Variants in NALCN observed in about 807,000 individuals in gnomAD.
NALCN encodes sodium leak channel, non-selective, also known as sodium leak channel NALCN.
In NALCN, 111 loss-of-function variants were observed where a neutral mutation model predicts 225.3. That is an observed-to-expected ratio of 0.49 (90% CI 0.42 to 0.58). The LOEUF (loss-of-function observed/expected upper bound fraction) is 0.58, where lower values mean the gene tolerates loss of function less well. Ranked by LOEUF, NALCN falls within the 20% of genes least tolerant of loss-of-function variation. The probability of loss-of-function intolerance (pLI) is 0.00; values close to 1 mark genes in which losing one functional copy is unlikely to be tolerated. For missense variants in NALCN, 1,378 were observed against 2,202.4 expected (o/e 0.63, Z 7.49); for synonymous variants, 764 against 769.0 (o/e 0.99, Z 0.11).
chr13:101,318,097 T>G (rs2044618256), intron 7 of NALCN, among the ~76,000 whole-genome samples: 1 of 152,170 alleles, frequency 6.6e-6, no homozygotes, highest in Non-Finnish European at 1.5e-5. Context: ...ACAGAATCCT[T>G]AGGGTGTCAC....
At chr13:101,339,822 A>G (rs2045498173) in intron 7 of NALCN, among the ~76,000 whole-genome samples, 1 of 152,242 alleles carries the variant, frequency 6.6e-6, no homozygotes, top group South Asian at 2.1e-4. Context: ...TGGTACAAGC[A>G]CAGAAGTCAG....
At chr13:101,193,509 A>C (rs1040976789) in intron 13 of NALCN, among the ~76,000 whole-genome samples, 1 of 152,208 alleles carries the variant, frequency 6.6e-6, no homozygotes, top group Non-Finnish European at 1.5e-5. Flanking sequence ...GTCCATGTGC[A>C]AAGTAATTAT....
chr13:101,132,649 A>G (rs1454395478), intron 17 of NALCN, among the ~76,000 whole-genome samples: 1 of 152,102 alleles, frequency 6.6e-6, no homozygotes, highest in Non-Finnish European at 1.5e-5. Flanking sequence ...TTAAAGATCT[A>G]AGGCTCATAA....
chr13:101,055,066 ATAT>A lies in NALCN; in HGVS notation c.*226_*228del, dbSNP rs1227154027. 8.0e-6 allele frequency: 4 copies of A among 502,640 alleles called. No homozygotes were observed. The highest frequency in any genetic ancestry group is 1.4e-5 in the Non-Finnish European group (4 of 285,402). The allele number at this position is 502,640 out of a possible 1,614,324, so 31.1% of individuals were successfully genotyped here. On this transcript the variant is annotated 3_prime_UTR_variant, in exon 44 of 44. Coordinates refer to ENST00000251127, the MANE Select transcript of NALCN (RefSeq NM_052867.4). ...ACATTTGCTTGCGGTATCATTTCTA[ATAT>A]TATCAGTACTGTCATTATACAAAAA...
intron 7 of NALCN, among the ~76,000 whole-genome samples, chr13:101,321,697 T>C (rs2044751232): frequency 6.6e-6 from 1 of 152,168 alleles, no homozygotes; most frequent in Non-Finnish European, 1.5e-5. Context: ...TAGTCACCAC[T>C]AAATTACCTG....
intron 6 of NALCN, among the ~76,000 whole-genome samples, chr13:101,373,245 A>T (rs1309686150): frequency 2.0e-5 from 3 of 152,168 alleles, no homozygotes; most frequent in Non-Finnish European, 2.9e-5. Flanking sequence ...TCTATCAAAC[A>T]TTTAAGAAAG....
chr13:101,183,870 C>G (rs563556993), intron 14 of NALCN, among the ~76,000 whole-genome samples: 16 of 152,240 alleles, frequency 1.1e-4, no homozygotes, highest in African/African-American at 3.9e-4. Context: ...CTCTTGAACC[C>G]TGCTAAGTAC....
intron 37 of NALCN, 32 bp from the exon 38 acceptor site, chr13:101,068,859 A>G: frequency 6.4e-7 from 1 of 1,574,762 alleles, no homozygotes; most frequent in Non-Finnish European, 8.6e-7. Flanking sequence ...GAAGGAGAGG[A>G]TAAGAGTAGA....
Position 101,124,684 on chromosome 13 carries a change from G to T in NALCN, c.2119-3C>A. The T allele has an allele frequency of 1.2e-6, 2 of 1,613,506 alleles. No individual in the cohort carries two copies. The highest frequency in any genetic ancestry group is 1.7e-6 in the Non-Finnish European group (2 of 1,179,658). Reference sequence around the variant, plus strand: ...ATGCTGAAAACAGACTTGCGAAGCTGAAAATGATAAGAGTATGACTTTTAG... The same window carrying T: ...ATGCTGAAAACAGACTTGCGAAGCTTAAAATGATAAGAGTATGACTTTTAG... On this transcript the variant is annotated splice_region_variant and splice_polypyrimidine_tract_variant and intron_variant, in intron 17 of 43. Coordinates refer to ENST00000251127, the MANE Select transcript of NALCN (RefSeq NM_052867.4).
At chr13:101,233,071 T>C (rs1014914258) in intron 12 of NALCN, among the ~76,000 whole-genome samples, 54 of 152,276 alleles carry the variant, frequency 3.5e-4, no homozygotes, top group Admixed American at 2.7e-3. Flanking sequence ...GTGAGTCTAA[T>C]TGTGCCTTTT....
At chr13:101,264,709 T>G (rs1013452591) in intron 10 of NALCN, among the ~76,000 whole-genome samples, 1 of 152,192 alleles carries the variant, frequency 6.6e-6, no homozygotes, top group Admixed American at 6.5e-5. Flanking sequence ...CACAGTTTCA[T>G]GATTCTAAAA....
At chr13:101,077,513 G>A (rs1053710592) in intron 34 of NALCN, among the ~76,000 whole-genome samples, 1 of 152,178 alleles carries the variant, frequency 6.6e-6, no homozygotes, top group South Asian at 2.1e-4. Context: ...TTGGGAACTA[G>A]GGCAAAGGTG....
At chr13:101,182,414 A>G (rs2039278077) in intron 14 of NALCN, among the ~76,000 whole-genome samples, 2 of 152,208 alleles carry the variant, frequency 1.3e-5, no homozygotes. Context: ...AAGAATTAGA[A>G]CAAACTCTTG....
intron 6 of NALCN, among the ~76,000 whole-genome samples, chr13:101,361,734 A>G (rs993869010): frequency 6.6e-6 from 1 of 152,198 alleles, no homozygotes; most frequent in Non-Finnish European, 1.5e-5. Context: ...AAAATAACAT[A>G]CAGCAATTGT....
In NALCN at chr13:101,083,787, G is replaced by T; in HGVS notation, c.3507C>A (p.Thr1169=). The change falls in exon 31 of 44, where the codon ACC becomes ACA. Residue 1169 remains threonine (T), a synonymous_variant. Coordinates refer to ENST00000251127, the MANE Select transcript of NALCN (RefSeq NM_052867.4). ...GGTCTTCCCATCTTCTCTGATCGAC[G>T]GTCAGCAAAGCCGTCCCCTTAACAG... ...FNENKGTALL[T]VDQRRWEDLK... The T allele has an allele frequency of 6.2e-7, 1 of 1,613,646 alleles. No homozygotes were observed. Among genetic ancestry groups the T allele is most frequent in the Non-Finnish European group, 8.5e-7 (1 of 1,179,698 alleles).
intron 10 of NALCN, among the ~76,000 whole-genome samples, chr13:101,259,630 G>A (rs944580777): frequency 8.6e-5 from 13 of 150,792 alleles, no homozygotes; most frequent in Non-Finnish European, 1.2e-4. Flanking sequence ...CACCATGCCT[G>A]GCCATAATGA....
At chr13:101,379,953 G>C (rs1031311988) in intron 3 of NALCN, among the ~76,000 whole-genome samples, 5 of 145,626 alleles carry the variant, frequency 3.4e-5, no homozygotes, top group African/African-American at 1.2e-4. Context: ...TTACAGTTCT[G>C]CATAATAATA....
rs910239682 is a variant in NALCN at position 101,104,182 on chromosome 13, C to T, written c.2889+113G>A. 7.8e-6 allele frequency: 10 copies of T among 1,281,268 alleles called. No individual in the cohort carries two copies. Among genetic ancestry groups the T allele is most frequent in the South Asian group, 3.1e-5 (2 of 63,922 alleles). The allele number at this position is 1,281,268 out of a possible 1,614,324, so 79.4% of individuals were successfully genotyped here. ...CTACTCTAGAGTCCATTTAAGAATT[C>T]GGTTAGGGAATCTAAGCCTCTGTAA... is the stretch of plus-strand genomic sequence containing the variant. On this transcript the variant is annotated intron_variant, in intron 25 of 43. Transcript: ENST00000251127. This position sits in a 1 kb window ranked among gnomAD's most constrained non-coding sequence, Gnocchi z 4.2.
intron 14 of NALCN, among the ~76,000 whole-genome samples, chr13:101,178,055 G>A (rs968679924): frequency 1.3e-5 from 2 of 152,120 alleles, no homozygotes; most frequent in Admixed American, 6.5e-5. Flanking sequence ...ACTGGTAACT[G>A]GGCATCAGGC....
Sources: allele counts gnomAD v4.1 joint callset (sites outside exome capture counted in the v4.1 genomes callset), GRCh38; gene constraint gnomAD v4.1.1; non-coding constraint Gnocchi (gnomAD v3.1); transcripts MANE v1.5; gene names NCBI Gene and HGNC (gene_info 2026-07-23, HGNC 2026-07-21).